The following CD69 variants were observed in gnomAD, a reference collection of about 807,000 sequenced individuals.
CD69 encodes CD69 molecule, also known as early activation antigen CD69.
In CD69, 10 loss-of-function variants were observed where a neutral mutation model predicts 21.4. That is an observed-to-expected ratio of 0.47 (90% CI 0.29 to 0.79). The LOEUF (loss-of-function observed/expected upper bound fraction) is 0.79. Among genes scored for constraint, CD69 ranks in the 30% least tolerant of loss-of-function variants. The pLI is 0.09. For missense variants in CD69, 204 were observed against 236.9 expected, an observed-to-expected ratio of 0.86 and a Z score of 0.91; for synonymous variants, 63 against 78.2, an observed-to-expected ratio of 0.81 and a Z score of 1.03.
intron 1 of CD69, among the ~76,000 whole-genome samples, chr12:9,760,245 A>G (rs896957190): frequency 9.9e-5 from 15 of 152,212 alleles, no homozygotes; most frequent in Non-Finnish European, 1.0e-4. Context: ...AGAACACAGG[A>G]TAAGGTACAC....
Position 9,753,501 on chromosome 12 carries a change from A to G in CD69, c.580T>C (p.Cys194Arg). The G allele has an allele frequency of 1.4e-6, 2 of 1,474,202 alleles. No homozygotes were observed. The highest frequency in any genetic ancestry group is 1.9e-6 in the Non-Finnish European group (2 of 1,054,836). The allele number at this position is 1,474,202 out of a possible 1,614,324, so 91.3% of individuals were successfully genotyped here. Reference protein sequence around the residue: ...MECEKNLYWICNKPYK With the variant: ...MECEKNLYWIRNKPYK ...CCTTATTATTTGTAAGGTTTGTTAC[A>G]TATCCAGTATAAATTCTTCTCACAT... is the stretch of plus-strand genomic sequence containing the variant. Residue 194 changes from cysteine (C) to arginine (R), a missense_variant, in exon 5 of 5, where the codon TGT becomes CGT. By Grantham distance (180) the Cys-to-Arg change is radical (BLOSUM62 -3). Transcript: ENST00000228434.
chr12:9,754,354 G>C (rs1339981842), intron 4 of CD69: 3 of 306,648 alleles, frequency 9.8e-6, no homozygotes, highest in Non-Finnish European at 1.2e-5. Flanking sequence ...ATTAGAGTTT[G>C]CTGAGAAAAA....
chr12:9,758,666 C>T (rs1211682873), intron 1 of CD69, among the ~76,000 whole-genome samples: 1 of 152,106 alleles, frequency 6.6e-6, no homozygotes, highest in African/African-American at 2.4e-5. Context: ...TTTCTTTGTT[C>T]ACCGGTATAG....
intron 1 of CD69, among the ~76,000 whole-genome samples, chr12:9,760,121 CT>C (rs138278083): frequency 0.039 from 5,811 of 148,182 alleles, 164 homozygotes; most frequent in Middle Eastern, 0.1. Context: ...TCTTTTGTGA[CT>C]TTTTTTTTTA....
chr12:9,754,968 T>A, intron 3 of CD69, 94 bp downstream of exon 3: 1 of 1,052,340 alleles, frequency 9.5e-7, no homozygotes, highest in East Asian at 2.5e-5. Flanking sequence ...AATGTTTGTT[T>A]GTTTGTTTGT....
In CD69 at chr12:9,757,544, G is replaced by A. The variant is rs145485827; in HGVS notation, c.65-1125C>T. Reference sequence around the variant, plus strand: ...ACAGGAAAATAAGTGAACAAATTATGGTATATCCATACAAGGGAATTCCGC... The same window carrying A: ...ACAGGAAAATAAGTGAACAAATTATAGTATATCCATACAAGGGAATTCCGC... On this transcript the variant is annotated intron_variant, in intron 1 of 4. Coordinates refer to ENST00000228434, the MANE Select transcript of CD69 (RefSeq NM_001781.2). Among the ~76,000 whole-genome samples the A allele has an allele frequency of 9.7e-3, 1,481 of 152,052 alleles. 15 individuals carry two copies. The highest frequency in any genetic ancestry group is 0.033 in the African/African-American group (1,387 of 41,468).
At chr12:9,756,739 A>G (rs1451310720) in intron 1 of CD69, among the ~76,000 whole-genome samples, 1 of 152,178 alleles carries the variant, frequency 6.6e-6, no homozygotes, top group Non-Finnish European at 1.5e-5. Context: ...TGTTTTAATG[A>G]TGATAAGAAC....
chr12:9,756,647 A>G (rs977418818), intron 1 of CD69, among the ~76,000 whole-genome samples: 2 of 152,212 alleles, frequency 1.3e-5, no homozygotes, highest in African/African-American at 4.8e-5. Flanking sequence ...ATGAGATTAT[A>G]AAGTGTCTCC....
At position 9,755,136 on chromosome 12, in the gene CD69, T is replaced by G. The variant is rs765267342; in HGVS notation, c.313A>C (p.Ser105Arg). The G allele has an allele frequency of 6.2e-7, 1 of 1,614,062 alleles. No homozygotes were observed. The highest frequency in any genetic ancestry group is 1.3e-5 in the African/African-American group (1 of 75,038). The change falls in exon 3 of 5, where the codon AGC becomes CGC. Residue 105 changes from serine to arginine, a missense_variant. By Grantham distance (110) the Ser-to-Arg change is moderately radical. Transcript: ENST00000228434. Reference protein sequence around the residue: ...KCYFISTVKRSWTSAQNACSE... With the variant: ...KCYFISTVKRRWTSAQNACSE... Reference sequence around the variant, plus strand: ...CAAGCATTTTGGGCTGAAGTCCAGCTCCTCTTCACAGTAGAAATAAAGTAG... The same window carrying G: ...CAAGCATTTTGGGCTGAAGTCCAGCGCCTCTTCACAGTAGAAATAAAGTAG...
chr12:9,758,091 A>G (rs994481908), intron 1 of CD69, among the ~76,000 whole-genome samples: 4 of 150,530 alleles, frequency 2.7e-5, no homozygotes, highest in African/African-American at 9.8e-5. Context: ...CAGTGTTTCT[A>G]TGGAAGGATT....
chr12:9,753,464 G>T lies in CD69; in HGVS notation c.*17C>A, dbSNP rs1296544268. ...AGTTCCATTCTATAATAGTCAATAA[G>T]TGAACATGTTTCCTTATTATTTGTA... is the stretch of plus-strand genomic sequence containing the variant. On this transcript the variant is annotated 3_prime_UTR_variant, in exon 5 of 5. Transcript: ENST00000228434. The T allele has an allele frequency of 9.5e-7, 1 of 1,055,116 alleles. No homozygotes were observed. The highest frequency in any genetic ancestry group is 1.5e-6 in the Non-Finnish European group (1 of 680,696). 65.4% of individuals were successfully genotyped at this position (1,055,116 alleles called of 1,614,324 possible). A position where few individuals can be genotyped will look rare whatever the true frequency, so the allele number is the denominator to read the frequency against.
intron 1 of CD69, among the ~76,000 whole-genome samples, chr12:9,759,231 T>C (rs1866710849): frequency 6.6e-6 from 1 of 152,160 alleles, no homozygotes; most frequent in African/African-American, 2.4e-5. Flanking sequence ...TACCCACAGC[T>C]TGACTTATCT....
chr12:9,755,349 C>A, intron 2 of CD69, 88 bp from the exon 3 acceptor site: 1 of 1,060,114 alleles, frequency 9.4e-7, no homozygotes, highest in Non-Finnish European at 1.4e-6. Context: ...CTATGTTGTG[C>A]TAGGTGGTGA....
chr12:9,760,199 C>G (rs1866720115), intron 1 of CD69, among the ~76,000 whole-genome samples: 1 of 152,006 alleles, frequency 6.6e-6, no homozygotes, highest in Non-Finnish European at 1.5e-5. Context: ...AGATGGCAAA[C>G]TTGCCCATTT....
chr12:9,756,300 A>G lies in CD69; in HGVS notation c.184T>C (p.Ser62Pro). Residue 62 changes from serine to proline, a missense_variant, in exon 2 of 5, where the codon TCA becomes CCA. Ser to Pro is a moderately conservative substitution (Grantham distance 74). Coordinates refer to ENST00000228434, the MANE Select transcript of CD69 (RefSeq NM_001781.2). ...TILIIALIAL[S>P]VGQYNCPGQY... ...AATTGATGAAGTGTAGACCCACCTG[A>G]TAAGGCAATGAGAGCTATGATTAAA... 6.2e-7 allele frequency: 1 copy of G among 1,612,292 alleles called. No individual in the cohort carries two copies. The highest frequency in any genetic ancestry group is 8.5e-7 in the Non-Finnish European group (1 of 1,178,994).
At chr12:9,756,233 T>A in intron 2 of CD69, 64 bp downstream of exon 2, 1 of 1,478,082 alleles carries the variant, frequency 6.8e-7, no homozygotes, top group Non-Finnish European at 9.2e-7. Context: ...TAATATTGAT[T>A]TCAGCTGGGC....
intron 1 of CD69, among the ~76,000 whole-genome samples, chr12:9,757,849 T>A (rs955267713): frequency 4.6e-5 from 7 of 152,232 alleles, no homozygotes; most frequent in African/African-American, 1.7e-4. Flanking sequence ...GTTATACCAC[T>A]GTCATAAGTC....
chr12:9,757,838 G>C (rs1427106923), intron 1 of CD69, among the ~76,000 whole-genome samples: 1 of 152,174 alleles, frequency 6.6e-6, no homozygotes, highest in South Asian at 2.1e-4. Context: ...CTGGTCTTGT[G>C]GTTATACCAC....
At chr12:9,760,367 GAAAAAAATGATGGAGAA>G (rs1866722581) in intron 1 of CD69, among the ~76,000 whole-genome samples, 1 of 151,962 alleles carries the variant, frequency 6.6e-6, no homozygotes, top group Admixed American at 6.6e-5. Context: ...AGATGGATAT[GAAAAAAATGATGGAGAA>G]TAACTGGGCT....
Sources: gnomAD v4.1 joint callset for allele counts (sites outside exome capture counted in the v4.1 genomes callset) on GRCh38, gnomAD v4.1.1 for gene constraint, MANE v1.5 for transcripts, NCBI Gene and HGNC (gene_info 2026-07-23, HGNC 2026-07-21) for gene names.